MYO18B: variants seen among roughly 807,000 people sequenced by gnomAD.
MYO18B encodes the protein unconventional myosin-XVIIIb.
In MYO18B, 204 loss-of-function variants were observed where a neutral mutation model predicts 273.0. That is an observed-to-expected ratio of 0.75 (90% CI 0.67 to 0.84). The LOEUF is 0.84. Among genes scored for constraint, MYO18B ranks in the 40% least tolerant of loss-of-function variants. The pLI is 0.00. For missense variants in MYO18B, 3,212 were observed against 3,287.6 expected, an observed-to-expected ratio of 0.98 and a Z score of 0.56; for synonymous variants, 1,330 against 1,305.7, an observed-to-expected ratio of 1.02 and a Z score of -0.40.
At chr22:26,022,121 A>T (rs1386372932) in intron 42 of MYO18B, among the ~76,000 whole-genome samples, 1 of 151,598 alleles carries the variant, frequency 6.6e-6, no homozygotes, top group Non-Finnish European at 1.5e-5. Flanking sequence ...CCTCATAGTG[A>T]CTCTGAGAGC....
At chr22:26,033,734 T>C, downstream of MYO18B, among the ~76,000 whole-genome samples, 1 of 151,974 alleles carries the variant, frequency 6.6e-6, no homozygotes, top group Non-Finnish European at 1.5e-5. Context: ...CTTTCTCTTT[T>C]TCTCTCTTTC....
chr22:25,756,620 G>T (rs1026442785), intron 1 of MYO18B: 5 of 152,246 alleles, frequency 3.3e-5, no homozygotes, highest in Admixed American at 3.3e-4. Context: ...ATGAATAGTG[G>T]GGGCTTCAGC....
intron 36 of MYO18B, 138 bp downstream of exon 36, chr22:25,947,966 T>C: frequency 1.5e-6 from 1 of 667,060 alleles, no homozygotes; most frequent in South Asian, 1.8e-5. Flanking sequence ...TAGTTAGGAA[T>C]TGTGCATTTC....
the MYO18B span, among the ~76,000 whole-genome samples, chr22:26,037,726 A>G: frequency 6.6e-6 from 1 of 152,176 alleles, no homozygotes; most frequent in African/African-American, 2.4e-5. Context: ...CCCTTCTCCC[A>G]TGTTTGAGGG....
intron 40 of MYO18B, among the ~76,000 whole-genome samples, chr22:25,997,976 C>CGAGAGAG (rs1381007559): frequency 1.6e-5 from 2 of 121,280 alleles, no homozygotes; most frequent in Middle Eastern, 4.5e-3. Flanking sequence ...CACACACACA[C>CGAGAGAG]ACGAGAGAGA....
rs572222129 is a variant in MYO18B at position 25,908,165 on chromosome 22, C to T, written c.5149-157C>T. ...AGAGGCAATATTTAATCTATTTACC[C>T]ACCATTTGTGATCTTCCAGGATGCC... On this transcript the variant is annotated intron_variant, in intron 31 of 43. Transcript: ENST00000335473. Among the ~76,000 whole-genome samples, 3 of 152,318 alleles carry T rather than the reference C, an allele frequency of 2.0e-5. No homozygotes were observed. The South Asian group carries it at 6.2e-4, about 32-fold the overall frequency.
chr22:26,016,378 G>A (rs1456617738), intron 42 of MYO18B, among the ~76,000 whole-genome samples: 1 of 150,270 alleles, frequency 6.7e-6, no homozygotes, highest in East Asian at 2.0e-4. Flanking sequence ...ACCAGATGAG[G>A]CCCACACCTC....
chr22:26,047,945 T>C, the MYO18B span, among the ~76,000 whole-genome samples: 9 of 152,216 alleles, frequency 5.9e-5, no homozygotes, highest in African/African-American at 2.2e-4. Context: ...GTTTCTTTTC[T>C]ACCTCTGATC....
intron 10 of MYO18B, among the ~76,000 whole-genome samples, 183 bp from the exon 11 acceptor site, chr22:25,785,245 G>T (rs539859626): frequency 6.6e-6 from 1 of 152,210 alleles, no homozygotes; most frequent in African/African-American, 2.4e-5. Flanking sequence ...AGGGCTGTGC[G>T]TGAGGAATAT....
the MYO18B span, among the ~76,000 whole-genome samples, chr22:26,063,538 G>C: frequency 6.6e-6 from 1 of 152,308 alleles, no homozygotes; most frequent in South Asian, 2.1e-4. Context: ...GGGCTTGAAT[G>C]TGAGATGCCT....
intron 12 of MYO18B, among the ~76,000 whole-genome samples, chr22:25,800,326 GA>G (rs1027221276): frequency 2.6e-5 from 4 of 151,950 alleles, no homozygotes; most frequent in East Asian, 1.9e-4. Flanking sequence ...AAAATGATTG[GA>G]AAAAAAATCA....
At chr22:25,989,898 C>T (rs1450373817) in intron 39 of MYO18B, among the ~76,000 whole-genome samples, 1 of 152,158 alleles carries the variant, frequency 6.6e-6, no homozygotes, top group Non-Finnish European at 1.5e-5. Context: ...AGCACCCCCT[C>T]CTTCACAGTC....
At chr22:25,774,232 C>A (rs1449651450) in intron 7 of MYO18B, among the ~76,000 whole-genome samples, 1 of 152,118 alleles carries the variant, frequency 6.6e-6, no homozygotes, top group Non-Finnish European at 1.5e-5. Flanking sequence ...TCAGTCACTC[C>A]CAGGGGCTCT....
the MYO18B span, among the ~76,000 whole-genome samples, chr22:26,047,399 T>A: frequency 6.6e-6 from 1 of 152,154 alleles, no homozygotes; most frequent in East Asian, 1.9e-4. Flanking sequence ...GTGCTGGGAT[T>A]ACAGGCGTGA....
chr22:25,807,649 C>G (rs920342118), intron 12 of MYO18B, among the ~76,000 whole-genome samples: 2 of 152,136 alleles, frequency 1.3e-5, no homozygotes, highest in African/African-American at 4.8e-5. Flanking sequence ...GTGCAAGTTT[C>G]CAGGAAGCAA....
Position 25,833,009 on chromosome 22 carries a change from C to T in MYO18B, c.3060+12C>T, listed in dbSNP as rs1194077758. The T allele has an allele frequency of 6.2e-7, 1 of 1,612,220 alleles. No individual in the cohort carries two copies. ...AAAATCCCTCTCAGGTAACACAGGG[C>T]CCAGCCAATCCAGGCTCTCAGATGC... is the stretch of plus-strand genomic sequence containing the variant. On this transcript the variant is annotated intron_variant, in intron 16 of 43. Transcript: ENST00000335473.
chr22:26,011,562 G>T (rs1385715588), intron 42 of MYO18B, among the ~76,000 whole-genome samples: 1 of 152,242 alleles, frequency 6.6e-6, no homozygotes, highest in Non-Finnish European at 1.5e-5. Flanking sequence ...TGAAGAGAAA[G>T]AATGGTGGGG....
rs1368238292 is a variant in MYO18B, at chr22:25,903,627, G to A, written c.4948-4G>A. On this transcript the variant is annotated splice_polypyrimidine_tract_variant and splice_region_variant and intron_variant, in intron 30 of 43. Transcript: ENST00000335473. ...CCAGATCTCTGTCCTCTTTGTCTCT[G>A]TAGCAAAAGGAGCAGGAAGCCTCAC... 6.3e-7 allele frequency: 1 copy of A among 1,598,496 alleles called. No homozygotes were observed. The highest frequency in any genetic ancestry group is 8.5e-7 in the Non-Finnish European group (1 of 1,172,256).
At chr22:25,839,961 C>T (rs2090033072) in intron 17 of MYO18B, among the ~76,000 whole-genome samples, 1 of 152,122 alleles carries the variant, frequency 6.6e-6, no homozygotes, top group Admixed American at 6.5e-5. Flanking sequence ...AGCATTTCCA[C>T]CTCCCCCTCC....
Sources: gnomAD v4.1 joint callset for allele counts (sites outside exome capture counted in the v4.1 genomes callset) on GRCh38, gnomAD v4.1.1 for gene constraint, MANE v1.5 for transcripts, NCBI Gene and HGNC (gene_info 2026-07-23, HGNC 2026-07-21) for gene names.